Variants in RGPD4 observed in about 807,000 individuals in gnomAD.
RGPD4 encodes ranBP2-like and GRIP domain-containing protein 4.
A neutral mutation model predicts 141.1 loss-of-function variants in RGPD4; 84 were observed. That is an observed-to-expected ratio of 0.60 (90% CI 0.50 to 0.71). The LOEUF is 0.71. Ranked by LOEUF, RGPD4 falls within the 30% of genes least tolerant of loss-of-function variation. The probability of loss-of-function intolerance (pLI) is 0.00; values close to 1 mark genes in which losing one functional copy is unlikely to be tolerated. For synonymous variants in RGPD4, 298 were observed against 566.8 expected (o/e 0.53, Z 6.74); for missense variants, 918 against 1,622.4 (o/e 0.57, Z 7.46).
At chr2:107,847,918 T>A (rs1682011409) in intron 6 of RGPD4, among the ~76,000 whole-genome samples, 1 of 128,836 alleles carries the variant, frequency 7.8e-6, no homozygotes, top group South Asian at 2.8e-4. Flanking sequence ...CAAATACCTG[T>A]CAATTATTTA....
At chr2:107,851,286 A>AT (rs1457527237) in intron 7 of RGPD4, among the ~76,000 whole-genome samples, 8 of 82,670 alleles carry the variant, frequency 9.7e-5, no homozygotes. Flanking sequence ...ACATTGTTAA[A>AT]TTTTTTGTAA....
Position 107,826,941 on chromosome 2 carries a change from C to T in RGPD4, c.-73C>T. On this transcript the variant is annotated 5_prime_UTR_variant, in exon 1 of 23. Transcript: ENST00000408999. ...GGAGTCAGTGGCTTTCAGGCGCTTT[C>T]CTGTTGGAATTGGCGACTGCTGCGG... 1 of 1,551,514 alleles carries T rather than the reference C, an allele frequency of 6.4e-7. No individual in the cohort carries two copies. The highest frequency in any genetic ancestry group is 8.7e-7 in the Non-Finnish European group (1 of 1,148,068).
chr2:107,865,339 C>T (rs1407625528), intron 17 of RGPD4, among the ~76,000 whole-genome samples: 122 of 151,976 alleles, frequency 8.0e-4, no homozygotes, highest in African/African-American at 2.8e-3. Context: ...CCTGGTGGAG[C>T]ATTTGAACAT....
At chr2:107,830,446 G>A (rs904351989) in intron 1 of RGPD4, among the ~76,000 whole-genome samples, 6 of 151,776 alleles carry the variant, frequency 4.0e-5, no homozygotes, top group African/African-American at 1.5e-4. Flanking sequence ...AAGTTAGAAT[G>A]TTCTTTCAAC....
At chr2:107,844,394 G>A (rs1390496650) in intron 6 of RGPD4, among the ~76,000 whole-genome samples, 1 of 152,172 alleles carries the variant, frequency 6.6e-6, no homozygotes, top group African/African-American at 2.4e-5. Flanking sequence ...CTCTGTTTAT[G>A]TATTGTCTGT....
chr2:107,826,964 C>A lies in RGPD4; in HGVS notation c.-50C>A. ...TTCCTGTTGGAATTGGCGACTGCTG[C>A]GGGGCTGAGCGCTGGTTTCACGCGT... On this transcript the variant is annotated 5_prime_UTR_variant, in exon 1 of 23. Coordinates refer to ENST00000408999, the MANE Select transcript of RGPD4 (RefSeq NM_182588.3). 1 of 1,567,558 alleles carries A rather than the reference C, an allele frequency of 6.4e-7. No individual in the cohort carries two copies. The highest frequency in any genetic ancestry group is 1.4e-5 in the African/African-American group (1 of 73,950).
chr2:107,890,946 C>T lies in RGPD4; in HGVS notation c.*215C>T. 1.6e-6 allele frequency: 1 copy of T among 644,138 alleles called. No homozygotes were observed. Among genetic ancestry groups the T allele is most frequent in the East Asian group, 2.9e-5 (1 of 34,498 alleles). The allele number at this position is 644,138 out of a possible 1,614,324, so 39.9% of individuals were successfully genotyped here. A position where few individuals can be genotyped will look rare whatever the true frequency, so the allele number is the denominator to read the frequency against. The stretch of plus-strand genomic sequence containing the variant: ...GACAGATGTATTTTAAAAGTTTCAA[C>T]TTGAAGTAAAAGTACAACAGCTTGA... On this transcript the variant is annotated 3_prime_UTR_variant, in exon 23 of 23. Coordinates refer to ENST00000408999, the MANE Select transcript of RGPD4 (RefSeq NM_182588.3).
rs2919177 is a variant in RGPD4 at position 107,845,619 on chromosome 2, A to C, written c.782+1889A>C. On this transcript the variant is annotated intron_variant, in intron 6 of 22. Transcript: ENST00000408999. ...TGGTTTGTCAGATCAGTTAATCAGG[A>C]CTCATGGGCCCTTTGTTACCCGCCT... is the stretch of plus-strand genomic sequence containing the variant. Among the ~76,000 whole-genome samples, 27 of 152,256 alleles carry C rather than the reference A, an allele frequency of 1.8e-4. No individual in the cohort carries two copies. In the East Asian group the frequency reaches 2.3e-3, roughly 13 times the overall value.
rs1235123902 is a variant in RGPD4, at chr2:107,871,295, A to C, written c.3291A>C (p.Arg1097Ser). The stretch of plus-strand genomic sequence containing the variant: ...AAAACGAGGTCAATGGCAAACCAAG[A>C]ATGCTGATGCGAAGAGAACAAGTAC... ...ILKNEVNGKP[R>S]MLMRREQVLK... is the part of the protein sequence containing the mutation. The change falls in exon 20 of 23, where the codon AGA becomes AGC. Residue 1097 changes from arginine (R) to serine (S), a missense_variant. Transcript: ENST00000408999. 1 of 1,606,608 alleles carries C rather than the reference A, an allele frequency of 6.2e-7. No individual in the cohort carries two copies. The highest frequency in any genetic ancestry group is 2.2e-5 in the East Asian group (1 of 44,846).
Position 107,827,056 on chromosome 2 carries a change from G to A in RGPD4, c.43G>A (p.Val15Met), listed in dbSNP as rs2104379744. 1 of 1,594,472 alleles carries A rather than the reference G, an allele frequency of 6.3e-7. No individual in the cohort carries two copies. The highest frequency in any genetic ancestry group is 8.5e-7 in the Non-Finnish European group (1 of 1,171,784). ...KAYGERYVAS[V>M]QGSAPSPRKK... ...CTACGGGGAGCGGTACGTCGCCTCC[G>A]TGCAGGGCTCCGCCCCGTCGCCTCG... Residue 15 changes from valine (V) to methionine (M), a missense_variant, in exon 1 of 23, where the codon GTG becomes ATG. Physicochemically the swap from Val to Met is conservative, Grantham distance 21. Coordinates refer to ENST00000408999, the MANE Select transcript of RGPD4 (RefSeq NM_182588.3).
At chr2:107,878,660 G>A (rs1453984600) in intron 20 of RGPD4, among the ~76,000 whole-genome samples, 1 of 114,956 alleles carries the variant, frequency 8.7e-6, no homozygotes, top group Non-Finnish European at 1.8e-5. Flanking sequence ...TGGTTGGATG[G>A]ATGGATGAGA....
At chr2:107,886,570 T>C (rs959310238) in intron 22 of RGPD4, among the ~76,000 whole-genome samples, 7 of 151,040 alleles carry the variant, frequency 4.6e-5, no homozygotes, top group African/African-American at 7.3e-5. Context: ...AAAGAAAATT[T>C]CCTAGGTAAA....
chr2:107,870,465 GATA>G, intron 19 of RGPD4, among the ~76,000 whole-genome samples: 1 of 148,658 alleles, frequency 6.7e-6, no homozygotes, highest in African/African-American at 2.5e-5. Context: ...GTAAAATGAG[GATA>G]ATAATAATAC....
rs542262020 is a variant in RGPD4 at position 107,859,759 on chromosome 2, C to T, written c.1672C>T (p.His558Tyr). 1 of 1,610,860 alleles carries T rather than the reference C, an allele frequency of 6.2e-7. No homozygotes were observed. Among genetic ancestry groups the T allele is most frequent in the African/African-American group, 1.3e-5 (1 of 74,150 alleles). ...NSAKLRLLVQ[H>Y]EINTLRAQEK... ...AGCAAAATTGAGACTTTTAGTTCAG[C>T]ATGAAATAAACACTCTAAGAGCCCA... is the stretch of plus-strand genomic sequence containing the variant. Residue 558 changes from histidine to tyrosine, a missense_variant, in exon 12 of 23, where the codon CAT (histidine) becomes TAT (tyrosine). Coordinates refer to ENST00000408999, the MANE Select transcript of RGPD4 (RefSeq NM_182588.3).
intron 21 of RGPD4, among the ~76,000 whole-genome samples, chr2:107,880,403 A>G (rs1675326588): frequency 6.7e-6 from 1 of 149,608 alleles, no homozygotes; most frequent in Admixed American, 6.7e-5. Context: ...AGCTGGGACT[A>G]CAGGTGCCCG....
At chr2:107,878,373 T>C (rs1353198410) in intron 20 of RGPD4, among the ~76,000 whole-genome samples, 2 of 145,164 alleles carry the variant, frequency 1.4e-5, no homozygotes, top group Non-Finnish European at 3.1e-5. Context: ...ATGCACACTG[T>C]AACCCGGGAA....
chr2:107,851,977 A>G (rs1682128107), intron 7 of RGPD4, among the ~76,000 whole-genome samples: 2 of 152,116 alleles, frequency 1.3e-5, no homozygotes, highest in South Asian at 4.2e-4. Flanking sequence ...GTGGTGGCTC[A>G]CGCCTATAAT....
chr2:107,829,449 C>T lies in RGPD4; in HGVS notation c.72+2364C>T, dbSNP rs1173307798. Among the ~76,000 whole-genome samples, 15 of 43,158 alleles carry T rather than the reference C, an allele frequency of 3.5e-4. 1 individual carries two copies. Among genetic ancestry groups the T allele is most frequent in the African/African-American group, 9.0e-4 (13 of 14,452 alleles). The allele number at this position is 43,158 out of a possible 152,430, so 28.3% of individuals were successfully genotyped here. A position where few individuals can be genotyped will look rare whatever the true frequency, so the allele number is the denominator to read the frequency against. On this transcript the variant is annotated intron_variant, in intron 1 of 22. Transcript: ENST00000408999. ...TGGCGCGCTCTGTTGAGGCGGCGGC[C>T]TCTACCTGGCCCGGCGGCGGCCTCG...
At chr2:107,854,811 C>A (rs539536586) in intron 8 of RGPD4, among the ~76,000 whole-genome samples, 168 bp downstream of exon 8, 148 of 152,046 alleles carry the variant, frequency 9.7e-4, no homozygotes, top group African/African-American at 3.5e-3. Flanking sequence ...AGAAATAGCA[C>A]ATTCTTTTAA....
Sources: gnomAD v4.1 joint callset for allele counts (sites outside exome capture counted in the v4.1 genomes callset) on GRCh38, gnomAD v4.1.1 for gene constraint, MANE v1.5 for transcripts, NCBI Gene and HGNC (gene_info 2026-07-23, HGNC 2026-07-21) for gene names.